Variants in ERC2 observed in about 807,000 individuals in gnomAD.
ERC2 encodes the protein ERC protein 2.
A neutral mutation model predicts 114.8 loss-of-function variants in ERC2; 42 were observed. The ratio of observed to expected loss-of-function variants is 0.37; its 90% CI spans 0.29 to 0.47. The LOEUF (loss-of-function observed/expected upper bound fraction) is 0.47. ERC2 is among the 20% of genes least tolerant of loss of function. ERC2 has a pLI of 0.99. For synonymous variants in ERC2, 454 were observed against 425.5 expected, an observed-to-expected ratio of 1.07 and a Z score of -0.82; for missense variants, 939 against 1,150.7, an observed-to-expected ratio of 0.82 and a Z score of 2.66.
chr3:56,448,518 C>G (rs1301422798), intron 1 of ERC2, among the ~76,000 whole-genome samples: 1 of 152,188 alleles, frequency 6.6e-6, no homozygotes, highest in Non-Finnish European at 1.5e-5. Context: ...CGCCAACACC[C>G]TTTCTCCCCA....
chr3:56,436,970 C>A (rs1430866355), intron 1 of ERC2, among the ~76,000 whole-genome samples: 1 of 152,146 alleles, frequency 6.6e-6, no homozygotes, highest in Non-Finnish European at 1.5e-5. Context: ...TGTTCCCTGG[C>A]CATTTTAGTT....
intron 1 of ERC2, among the ~76,000 whole-genome samples, chr3:56,457,355 AAATT>A (rs2063110515): frequency 6.6e-6 from 1 of 152,156 alleles, no homozygotes; most frequent in Admixed American, 6.5e-5. Flanking sequence ...AAGGCTGTAT[AAATT>A]GTGTTTGGTC....
At position 55,675,856 on chromosome 3, in the gene ERC2, C is replaced by T. The variant is rs950626354; in HGVS notation, c.*39+7938G>A. Among the ~76,000 whole-genome samples, 11 of 144,940 alleles carry T rather than the reference C, an allele frequency of 7.6e-5. No homozygotes were observed. The East Asian group carries it at 2.0e-3, about 26-fold the overall frequency. Reference sequence around the variant, plus strand: ...GTTCTGCCTCCAACATTAAATGATGCCCTGCATCGTTTAAAAACCCTTTCC... The same window carrying T: ...GTTCTGCCTCCAACATTAAATGATGTCCTGCATCGTTTAAAAACCCTTTCC... On this transcript the variant is annotated intron_variant, in intron 17 of 17. Coordinates refer to ENST00000288221, the MANE Select transcript of ERC2 (RefSeq NM_015576.3).
rs2051930713 is a variant in ERC2, at chr3:55,509,132, A to T, written c.*2184T>A. On this transcript the variant is annotated 3_prime_UTR_variant, in exon 18 of 18. Transcript: ENST00000288221. ...ACGACCTCATAAAGGTAAGATCAGT[A>T]ATATTTTAACCAATGAAAGTTGGGC... The T allele has an allele frequency of 6.5e-6, 1 of 152,680 alleles. No individual in the cohort carries two copies. The highest frequency in any genetic ancestry group is 2.1e-4 in the South Asian group (1 of 4,836). The allele number at this position is 152,680 out of a possible 1,614,324, so 9.5% of individuals were successfully genotyped here. A position where few individuals can be genotyped will look rare whatever the true frequency, so the allele number is the denominator to read the frequency against.
At position 55,767,667 on chromosome 3, in the gene ERC2, T is replaced by C. The variant is rs79285936; in HGVS notation, c.2565-32749A>G. Among the ~76,000 whole-genome samples, 32 of 152,306 alleles carry C rather than the reference T, an allele frequency of 2.1e-4. No individual in the cohort carries two copies. The East Asian group carries it at 5.8e-3, about 28-fold the overall frequency. ...ATGGCACAGAGACCCTCCTGCCAGC[T>C]CTGCTCTGTAGGTGATGTTCTCCGG... On this transcript the variant is annotated intron_variant, in intron 14 of 17. Transcript: ENST00000288221.
intron 15 of ERC2, among the ~76,000 whole-genome samples, chr3:55,724,615 C>T (rs916717966): frequency 2.6e-5 from 4 of 152,086 alleles, no homozygotes; most frequent in Non-Finnish European, 5.9e-5. Flanking sequence ...ATTTAAAATC[C>T]CTAGCCCAAT....
At chr3:56,268,761 A>G (rs1270716542) in intron 3 of ERC2, among the ~76,000 whole-genome samples, 2 of 152,222 alleles carry the variant, frequency 1.3e-5, no homozygotes, top group Admixed American at 6.5e-5. Context: ...ATAGAAGGGC[A>G]GGCCAATTTG....
At chr3:56,068,508 T>A (rs1412307415) in intron 7 of ERC2, among the ~76,000 whole-genome samples, 1 of 152,176 alleles carries the variant, frequency 6.6e-6, no homozygotes. Context: ...CCTGGATTCA[T>A]GATTTTTTTG....
intron 3 of ERC2, among the ~76,000 whole-genome samples, chr3:56,228,425 C>A (rs1385993236): frequency 6.6e-6 from 1 of 152,230 alleles, no homozygotes; most frequent in African/African-American, 2.4e-5. Flanking sequence ...ATGAATCTGA[C>A]TGCTCTAAGT....
Position 56,222,472 on chromosome 3 carries a change from T to C in ERC2, c.1075-48952A>G, listed in dbSNP as rs76567858. Among the ~76,000 whole-genome samples the C allele has an allele frequency of 4.8e-3, 738 of 152,278 alleles. 10 individuals are homozygous for C. Among genetic ancestry groups the C allele is most frequent in the African/African-American group, 0.016 (681 of 41,540 alleles). On this transcript the variant is annotated intron_variant, in intron 3 of 17. Coordinates refer to ENST00000288221, the MANE Select transcript of ERC2 (RefSeq NM_015576.3). The stretch of plus-strand genomic sequence containing the variant: ...ATCCATTGGCCAACTGTTATTCTTC[T>C]CTCAATTCTCAACTACAACACCATT...
chr3:56,169,559 C>A (rs911307449), intron 4 of ERC2, among the ~76,000 whole-genome samples: 1 of 152,054 alleles, frequency 6.6e-6, no homozygotes, highest in South Asian at 2.1e-4. Context: ...ATAGAGCTCA[C>A]ATGAAGGAAG....
At chr3:56,143,737 C>T (rs1004925184) in intron 5 of ERC2, among the ~76,000 whole-genome samples, 2 of 152,198 alleles carry the variant, frequency 1.3e-5, no homozygotes, top group Non-Finnish European at 2.9e-5. Context: ...AGGCTTCCTG[C>T]TATGGCTTAG....
intron 14 of ERC2, among the ~76,000 whole-genome samples, chr3:55,846,343 C>G (rs2061361451): frequency 6.6e-6 from 1 of 152,180 alleles, no homozygotes; most frequent in Admixed American, 6.5e-5. Flanking sequence ...TTTTTTATGG[C>G]TACATAGTAT....
intron 7 of ERC2, among the ~76,000 whole-genome samples, chr3:56,062,324 A>ACTTTC (rs2076277068): frequency 6.6e-6 from 1 of 152,302 alleles, no homozygotes; most frequent in African/African-American, 2.4e-5. Flanking sequence ...ACCTCTGTAC[A>ACTTTC]AGATCTGGTG....
chr3:55,511,639 G>A (rs947950561), intron 17 of ERC2, among the ~76,000 whole-genome samples: 2 of 152,066 alleles, frequency 1.3e-5, no homozygotes, highest in African/African-American at 4.8e-5. Flanking sequence ...TTCTCTCTAC[G>A]CTTTTCTACA....
intron 2 of ERC2, among the ~76,000 whole-genome samples, chr3:56,325,053 CT>C (rs35224867): frequency 1.4e-4 from 21 of 151,836 alleles, no homozygotes; most frequent in Admixed American, 4.6e-4. Context: ...CATTAGCCTG[CT>C]TTTTTTTCCT....
chr3:56,456,065 T>C (rs1418052044), intron 1 of ERC2, among the ~76,000 whole-genome samples: 1 of 152,234 alleles, frequency 6.6e-6, no homozygotes, highest in Non-Finnish European at 1.5e-5. Context: ...ATTTTATGCG[T>C]ATCCCTTTCT....
intron 6 of ERC2, among the ~76,000 whole-genome samples, chr3:56,138,500 C>A (rs2149911653): frequency 1.3e-5 from 2 of 152,330 alleles, no homozygotes; most frequent in Non-Finnish European, 2.9e-5. Context: ...TAAGACCTAT[C>A]CAATCCAGAA....
At chr3:55,791,904 C>G (rs1056370860) in intron 14 of ERC2, among the ~76,000 whole-genome samples, 1 of 152,176 alleles carries the variant, frequency 6.6e-6, no homozygotes, top group African/African-American at 2.4e-5. Flanking sequence ...GATTAGCACT[C>G]TGCAAGAGTA....
Sources: gnomAD v4.1 joint callset for allele counts (sites outside exome capture counted in the v4.1 genomes callset) on GRCh38, gnomAD v4.1.1 for gene constraint, MANE v1.5 for transcripts, NCBI Gene and HGNC (gene_info 2026-07-23, HGNC 2026-07-21) for gene names.